Variants in CCPG1 observed in about 807,000 individuals in gnomAD.
The protein encoded by CCPG1 is cell cycle progression protein 1.
A neutral mutation model predicts 81.3 loss-of-function variants in CCPG1; 46 were observed. The observed-to-expected ratio is 0.57, with a 90% CI of 0.45 to 0.72. CCPG1 has a LOEUF of 0.72. CCPG1 is among the 30% of genes least tolerant of loss of function. The probability of loss-of-function intolerance (pLI) is 0.00; values close to 1 mark genes in which losing one functional copy is unlikely to be tolerated. For synonymous variants in CCPG1, 330 were observed against 305.2 expected (o/e 1.08, Z -0.85); for missense variants, 902 against 937.6 (o/e 0.96, Z 0.50).
chr15:55,398,773 G>A (rs560793771), intron 1 of CCPG1, among the ~76,000 whole-genome samples: 212 of 152,068 alleles, frequency 1.4e-3, no homozygotes, highest in Middle Eastern at 3.4e-3. Context: ...GTAGAGATGC[G>A]GTTTCACCAT....
At chr15:55,374,547 T>C (rs560453063) in intron 5 of CCPG1, among the ~76,000 whole-genome samples, 23 of 152,202 alleles carry the variant, frequency 1.5e-4, no homozygotes, top group Admixed American at 1.2e-3. Context: ...TTGAAATCCT[T>C]AAGGATGAAG....
chr15:55,373,866 A>G (rs1444416472), intron 5 of CCPG1, among the ~76,000 whole-genome samples: 1 of 152,218 alleles, frequency 6.6e-6, no homozygotes, highest in Non-Finnish European at 1.5e-5. Flanking sequence ...AGCCTAACCC[A>G]CATTAATATA....
At chr15:55,391,887 A>AGGGGGGGGGG (rs61200003) in intron 1 of CCPG1, among the ~76,000 whole-genome samples, 4 of 44,722 alleles carry the variant, frequency 8.9e-5, no homozygotes, top group Non-Finnish European at 8.6e-5. Flanking sequence ...AAAAAAAAAA[A>AGGGGGGGGGG]GGGGGGGGGG....
chr15:55,391,486 G>A (rs572980514), intron 1 of CCPG1, among the ~76,000 whole-genome samples: 1 of 152,124 alleles, frequency 6.6e-6, no homozygotes, highest in Non-Finnish European at 1.5e-5. Context: ...TTTATGATAT[G>A]TATCAATGTC....
chr15:55,399,920 C>T (rs1196549849), intron 1 of CCPG1: 1 of 152,034 alleles, frequency 6.6e-6, no homozygotes, highest in East Asian at 1.9e-4. Flanking sequence ...ATGGTGAAGA[C>T]CCATCTCTAC....
rs2056874147 is a variant in CCPG1, at chr15:55,389,581, T to C, written c.-9-148A>G. The C allele has an allele frequency of 1.2e-5, 8 of 651,102 alleles. No homozygotes were observed. In the Middle Eastern group the frequency reaches 8.6e-4, roughly 70 times the overall value. 40.3% of individuals were successfully genotyped at this position (651,102 alleles called of 1,614,324 possible). On this transcript the variant is annotated intron_variant, in intron 1 of 8. Coordinates refer to ENST00000442196, the MANE Select transcript of CCPG1 (RefSeq NM_001204450.2). ...ACCCATAGATTTACCATACAGAACA[T>C]GACAGGACTGCATACCTGTATGAAC...
At chr15:55,405,762 C>G (rs2057206329) in intron 1 of CCPG1, among the ~76,000 whole-genome samples, 1 of 137,356 alleles carries the variant, frequency 7.3e-6, no homozygotes, top group Admixed American at 6.9e-5. Context: ...TTCTTCGAGT[C>G]CAACTATTTC....
chr15:55,365,259 C>T lies in CCPG1; in HGVS notation c.757G>A (p.Asp253Asn), dbSNP rs2056297784. Reference protein sequence around the residue: ...RQQLVRKIHEDELNDMKDYLS... With the variant: ...RQQLVRKIHENELNDMKDYLS... Reference sequence around the variant, plus strand: ...TAATCCTTCATATCATTCAATTCATCTTCATGTATCTTTCTGACTAACTGT... The same window carrying T: ...TAATCCTTCATATCATTCAATTCATTTTCATGTATCTTTCTGACTAACTGT... Residue 253 changes from aspartate to asparagine, a missense_variant, in exon 7 of 9, where the codon GAT (aspartate) becomes AAT (asparagine). Physicochemically the swap from Asp to Asn is conservative, Grantham distance 23. Around this residue, in one of 3 missense-constraint regions of CCPG1, gnomAD observed 746 missense variants for 728.6 expected, o/e 1.02. Coordinates refer to ENST00000442196, the MANE Select transcript of CCPG1 (RefSeq NM_001204450.2). The T allele has an allele frequency of 6.5e-7, 1 of 1,538,516 alleles. No individual in the cohort carries two copies. The highest frequency in any genetic ancestry group is 8.9e-7 in the Non-Finnish European group (1 of 1,118,934).
chr15:55,365,312 AAAAT>A lies in CCPG1; in HGVS notation c.707-7_707-4del. 1 of 1,504,066 alleles carries A rather than the reference AAAAT, an allele frequency of 6.6e-7. No homozygotes were observed. The highest frequency in any genetic ancestry group is 1.2e-5 in the South Asian group (1 of 82,036). The allele number at this position is 1,504,066 out of a possible 1,614,324, so 93.2% of individuals were successfully genotyped here. A position where few individuals can be genotyped will look rare whatever the true frequency, so the allele number is the denominator to read the frequency against. Reference sequence around the variant, plus strand: ...ACGCTTCTGAATCTGAATTGTGCCTAAAATAAATATTTTTATTAAAGGTATGTAA... The same window carrying A: ...ACGCTTCTGAATCTGAATTGTGCCTAAAATATTTTTATTAAAGGTATGTAA... On this transcript the variant is annotated splice_polypyrimidine_tract_variant and splice_region_variant and intron_variant, in intron 6 of 8. Coordinates refer to ENST00000442196, the MANE Select transcript of CCPG1 (RefSeq NM_001204450.2).
At chr15:55,401,763 T>G (rs1486451725) in intron 1 of CCPG1, among the ~76,000 whole-genome samples, 1 of 152,178 alleles carries the variant, frequency 6.6e-6, no homozygotes, top group African/African-American at 2.4e-5. Context: ...AAAATATTTT[T>G]CTTCCCACTC....
At position 55,372,652 on chromosome 15, in the gene CCPG1, C is replaced by CT. The variant is rs1261442392; in HGVS notation, c.455-609dup. On this transcript the variant is annotated intron_variant, in intron 5 of 8. Transcript: ENST00000442196. Reference sequence around the variant, plus strand: ...CCAGACTGGGAGACAGAGCAAAACTCTGTCTCAAAAGAAACAAAATTTCAT... The same window carrying CT: ...CCAGACTGGGAGACAGAGCAAAACTCTTGTCTCAAAAGAAACAAAATTTCAT... 9 of 234,852 alleles carry CT rather than the reference C, an allele frequency of 3.8e-5. No individual in the cohort carries two copies. The East Asian group carries it at 1.1e-3, about 28-fold the overall frequency. The allele number at this position is 234,852 out of a possible 1,614,324, so 14.5% of individuals were successfully genotyped here.
At chr15:55,375,993 A>T (rs2056557264) in intron 5 of CCPG1, among the ~76,000 whole-genome samples, 1 of 152,192 alleles carries the variant, frequency 6.6e-6, no homozygotes, top group African/African-American at 2.4e-5. Context: ...CCCAGCCAAG[A>T]ACCTCTACTT....
chr15:55,397,807 T>C (rs2057049966), intron 1 of CCPG1, among the ~76,000 whole-genome samples: 1 of 152,060 alleles, frequency 6.6e-6, no homozygotes, highest in African/African-American at 2.4e-5. Flanking sequence ...TGAAACCCTG[T>C]CTCTATTAAA....
At chr15:55,370,491 C>T (rs889162491) in intron 6 of CCPG1, among the ~76,000 whole-genome samples, 13 of 152,142 alleles carry the variant, frequency 8.5e-5, no homozygotes, top group Admixed American at 6.6e-4. Context: ...CAAACACATA[C>T]CTTAAATAAG....
intron 5 of CCPG1, chr15:55,374,290 T>C: frequency 3.9e-6 from 4 of 1,037,550 alleles, no homozygotes; most frequent in Non-Finnish European, 5.2e-6. Context: ...CATAAAGCTA[T>C]ATTATAAAGA....
At chr15:55,381,507 C>A (rs1167121694) in intron 3 of CCPG1, among the ~76,000 whole-genome samples, 2 of 152,138 alleles carry the variant, frequency 1.3e-5, no homozygotes, top group Admixed American at 1.3e-4. Flanking sequence ...AAGAAACTGT[C>A]CATAGCTTTC....
At chr15:55,398,607 G>A (rs139459967) in intron 1 of CCPG1, among the ~76,000 whole-genome samples, 7,607 of 151,244 alleles carry the variant, frequency 0.05, 265 homozygotes, top group East Asian at 0.15. Context: ...TTTTGAGACA[G>A]AGTCTCACTC....
chr15:55,358,344 C>T (rs1025786873), intron 8 of CCPG1: 6 of 983,124 alleles, frequency 6.1e-6, no homozygotes, highest in Non-Finnish European at 6.0e-6. Flanking sequence ...GAACATATAT[C>T]CTGAAGATAA....
At chr15:55,399,836 G>A (rs1022038034) in intron 1 of CCPG1, 1 of 152,122 alleles carries the variant, frequency 6.6e-6, no homozygotes, top group Non-Finnish European at 1.5e-5. Flanking sequence ...GCTCACGTCT[G>A]TAATTCCAAT....
Sources: allele counts gnomAD v4.1 joint callset (sites outside exome capture counted in the v4.1 genomes callset), GRCh38; gene constraint gnomAD v4.1.1; regional missense constraint gnomAD v4.1.1; transcripts MANE v1.5; gene names NCBI Gene and HGNC (gene_info 2026-07-23, HGNC 2026-07-21).